The following PCDHGA4 variants were observed in gnomAD, a reference collection of about 807,000 sequenced individuals.
The protein encoded by PCDHGA4 is protocadherin gamma-A4.
Under a neutral mutation model 54.6 loss-of-function variants are expected in PCDHGA4, and 38 were observed. The ratio of observed to expected loss-of-function variants is 0.70; its 90% CI spans 0.54 to 0.91. The LOEUF is 0.91. PCDHGA4 is among the 40% of genes least tolerant of loss of function. PCDHGA4 has a pLI of 0.00. For synonymous variants in PCDHGA4, 511 were observed against 512.9 expected (o/e 1.00, Z 0.05); for missense variants, 1,298 against 1,220.9 (o/e 1.06, Z -0.94).
intron 1 of PCDHGA4, chr5:141,427,980 G>A (rs1398178738): frequency 6.3e-7 from 1 of 1,596,206 alleles, no homozygotes. Context: ...CCCCGCGCTG[G>A]GGCCCGATGG....
At chr5:141,390,830 G>A in intron 1 of PCDHGA4, 1 of 164,036 alleles carries the variant, frequency 6.1e-6, no homozygotes, top group Non-Finnish European at 1.3e-5. Flanking sequence ...TATGTCCATG[G>A]ACCCCTTGTG....
chr5:141,366,257 G>C (rs1420756511), intron 1 of PCDHGA4: 1 of 1,613,694 alleles, frequency 6.2e-7, no homozygotes, highest in Non-Finnish European at 8.5e-7. Context: ...GCAGAGCCTC[G>C]TGGTGGCCGT....
chr5:141,441,102 C>A (rs1057297804), intron 1 of PCDHGA4: 2 of 152,148 alleles, frequency 1.3e-5, no homozygotes, highest in Non-Finnish European at 2.9e-5. Flanking sequence ...GAGAGGGACT[C>A]ATTGTCCAGT....
intron 1 of PCDHGA4, chr5:141,403,541 G>A (rs1332209242): frequency 6.2e-7 from 1 of 1,614,016 alleles, no homozygotes. Context: ...GCTGGTGCTG[G>A]AGCGCGCCCT....
chr5:141,357,084 CGCACGG>C lies in PCDHGA4; in HGVS notation c.1980_1985del (p.Arg661_Ala662del). ...GGCTGCACACAGGCGAGGTGCGCAC[CGCACGG>C]GCCCTGCTGGACAGAGACGCGCTCA... On this transcript the variant is annotated inframe_deletion, in exon 1 of 4. Transcript: ENST00000571252. 1 of 1,613,912 alleles carries C rather than the reference CGCACGG, an allele frequency of 6.2e-7. No homozygotes were observed. The highest frequency in any genetic ancestry group is 1.6e-4 in the Middle Eastern group (1 of 6,062).
chr5:141,454,998 G>C (rs909142112), intron 1 of PCDHGA4, among the ~76,000 whole-genome samples: 27 of 151,220 alleles, frequency 1.8e-4, no homozygotes, highest in African/African-American at 5.8e-4. Context: ...ATTTTTAGTA[G>C]AGACGGGGTT....
In PCDHGA4 at chr5:141,419,061, A is replaced by G. The variant is rs747692559; in HGVS notation, c.2514+61440A>G. 5.0e-6 allele frequency: 8 copies of G among 1,613,964 alleles called. No homozygotes were observed. In the Admixed American group the frequency reaches 1.3e-4, roughly 27 times the overall value. ...AAGATTCATTCTTCTTCTAATAATT[A>G]CTACAAGCTAGTAACAGATGAGGCC... On this transcript the variant is annotated intron_variant, in intron 1 of 3. Transcript: ENST00000571252.
In PCDHGA4 at chr5:141,375,349, GAC is replaced by G; in HGVS notation, c.2514+17730_2514+17731del. On this transcript the variant is annotated intron_variant, in intron 1 of 3. Transcript: ENST00000571252. ...AGGTATTCTTGTACAACATCACTGT[GAC>G]AGCCACGGACAAAGGAACACCACCT... 5 of 1,613,848 alleles carry G rather than the reference GAC, an allele frequency of 3.1e-6. No individual in the cohort carries two copies. In the South Asian group the frequency reaches 4.4e-5, roughly 14 times the overall value.
In PCDHGA4 at chr5:141,493,103, A is replaced by G. The variant is rs1396614836; in HGVS notation, c.2515-1704A>G. Among the ~76,000 whole-genome samples the G allele has an allele frequency of 6.6e-6, 1 of 152,086 alleles. No homozygotes were observed. The highest frequency in any genetic ancestry group is 1.5e-5 in the Non-Finnish European group (1 of 68,022). On this transcript the variant is annotated intron_variant, in intron 1 of 3. Transcript: ENST00000571252. The surrounding 1 kb of genome is among the most constrained non-coding windows in gnomAD (Gnocchi z 4.3). ...AGGAGCTTTTATTCAAAATATATCA[A>G]TGCCTAACTCTGCTCCTAGGACTGT...
At position 141,422,169 on chromosome 5, in the gene PCDHGA4, A is replaced by G. The variant is rs1386896405; in HGVS notation, c.2514+64548A>G. 2.6e-6 allele frequency: 4 copies of G among 1,563,898 alleles called. No homozygotes were observed. In the South Asian group the frequency reaches 4.9e-5, roughly 19 times the overall value. On this transcript the variant is annotated intron_variant, in intron 1 of 3. Coordinates refer to ENST00000571252, the MANE Select transcript of PCDHGA4 (RefSeq NM_018917.4). ...GGTCTCTGGATTTTGAAAAATATAG[A>G]TTCTATGAGATGGAAATTCAAGGCC...
chr5:141,443,392 T>C (rs151260637), intron 1 of PCDHGA4, among the ~76,000 whole-genome samples: 1,653 of 151,736 alleles, frequency 0.011, 7 homozygotes, highest in Middle Eastern at 0.038. Flanking sequence ...GGCTGAGGTG[T>C]GAGGATCACC....
At position 141,493,262 on chromosome 5, in the gene PCDHGA4, A is replaced by G. The variant is rs148431133; in HGVS notation, c.2515-1545A>G. ...GGTACTAACATGCCTCTCTTATAAC[A>G]GCTTCACAGAGGTCAAGTGACTTGC... is the stretch of plus-strand genomic sequence containing the variant. On this transcript the variant is annotated intron_variant, in intron 1 of 3. Transcript: ENST00000571252. This position sits in a 1 kb window ranked among gnomAD's most constrained non-coding sequence, Gnocchi z 4.3. 5.1e-4 allele frequency among the ~76,000 whole-genome samples: 78 copies of G among 152,302 alleles called. No homozygotes were observed. Among genetic ancestry groups the G allele is most frequent in the African/African-American group, 1.7e-3 (72 of 41,574 alleles).
intron 1 of PCDHGA4, chr5:141,433,338 T>G (rs2097583623): frequency 3.1e-6 from 2 of 651,932 alleles, no homozygotes; most frequent in South Asian, 4.0e-5. Context: ...GGACTACAGG[T>G]GCAAGCCACC....
chr5:141,360,506 A>C (rs771253042), intron 1 of PCDHGA4: 2 of 1,614,016 alleles, frequency 1.2e-6, no homozygotes, highest in South Asian at 1.1e-5. Flanking sequence ...GTAATTGTGC[A>C]GGATATAAAT....
intron 1 of PCDHGA4, chr5:141,385,245 G>A: frequency 6.2e-7 from 1 of 1,613,932 alleles, no homozygotes; most frequent in Non-Finnish European, 8.5e-7. Context: ...TCATCAGCCA[G>A]GAGAGCTGTG....
intron 1 of PCDHGA4, chr5:141,394,275 A>T: frequency 6.2e-7 from 1 of 1,613,910 alleles, no homozygotes; most frequent in Non-Finnish European, 8.5e-7. Context: ...TGCCCAGGTC[A>T]CTTACTCTGT....
chr5:141,444,900 T>C (rs997464788), intron 1 of PCDHGA4, among the ~76,000 whole-genome samples: 1 of 152,182 alleles, frequency 6.6e-6, no homozygotes, highest in Non-Finnish European at 1.5e-5. Context: ...TGGGATGGCA[T>C]TGCATCTATA....
chr5:141,422,910 C>T (rs756589496), intron 1 of PCDHGA4: 2 of 1,614,252 alleles, frequency 1.2e-6, no homozygotes, highest in South Asian at 1.1e-5. Context: ...ACAATGCGCC[C>T]GAGATCCTGT....
intron 3 of PCDHGA4, among the ~76,000 whole-genome samples, chr5:141,510,054 G>A (rs1166696269): frequency 1.3e-5 from 2 of 152,180 alleles, no homozygotes; most frequent in Non-Finnish European, 2.9e-5. Context: ...AAAAGTGATT[G>A]TGCATGTGAA....
Sources: gnomAD v4.1 joint callset for allele counts (sites outside exome capture counted in the v4.1 genomes callset) on GRCh38, gnomAD v4.1.1 for gene constraint, Gnocchi (gnomAD v3.1) non-coding constraint, MANE v1.5 for transcripts, NCBI Gene and HGNC (gene_info 2026-07-23, HGNC 2026-07-21) for gene names.